Variants in ANKRD36C observed in about 807,000 individuals in gnomAD.
ANKRD36C encodes the protein ankyrin repeat domain-containing protein 36C.
In ANKRD36C, 61 loss-of-function variants were observed where a neutral mutation model predicts 276.4. The observed-to-expected ratio is 0.22, with a 90% CI of 0.18 to 0.27. ANKRD36C has a LOEUF of 0.27. Among genes scored for constraint, ANKRD36C ranks in the 10% least tolerant of loss-of-function variants. The probability of loss-of-function intolerance (pLI) is 1.00; values close to 1 mark genes in which losing one functional copy is unlikely to be tolerated. For missense variants in ANKRD36C, 1,447 were observed against 2,032.3 expected (o/e 0.71, Z 5.54); for synonymous variants, 483 against 680.1 (o/e 0.71, Z 4.51).
In ANKRD36C at chr2:95,855,332, C is replaced by G. The variant is rs751761050; in HGVS notation, c.4929G>C (p.Leu1643Phe). Residue 1643 changes from leucine (L) to phenylalanine (F), a missense_variant, in exon 63 of 67, where the codon TTG becomes TTC. Leu to Phe is a conservative substitution (Grantham distance 22). Around this residue, in one of 13 missense-constraint regions of ANKRD36C, gnomAD observed 437 missense variants for 641.0 expected, o/e 0.68. Coordinates refer to ENST00000456556, the Ensembl canonical transcript of ANKRD36C. Reference sequence around the variant, plus strand: ...CTTTCGAATGATTCAATTCATTCACCAACATTTTATTGTCTTCTTCTAGTA... The same window carrying G: ...CTTTCGAATGATTCAATTCATTCACGAACATTTTATTGTCTTCTTCTAGTA... The G allele has an allele frequency of 8.7e-6, 14 of 1,610,058 alleles. No homozygotes were observed. In the South Asian group the frequency reaches 1.6e-4, roughly 18 times the overall value.
At chr2:95,860,223 G>T (rs78345504) in intron 60 of ANKRD36C, 149 bp from the exon 81 acceptor site, 12 of 649,586 alleles carry the variant, frequency 1.8e-5, no homozygotes, top group Non-Finnish European at 2.9e-5. Flanking sequence ...TTATAGTAAG[G>T]TCTGCAGGTA....
At chr2:95,948,542 A>G (rs758198326) in exon 17 of ANKRD36C, 1 of 1,535,780 alleles carries the variant, frequency 6.5e-7, no homozygotes. Flanking sequence ...CAGATTCCAA[A>G]GCAAACTTAT....
chr2:95,874,274 A>T (rs1573731951), intron 59 of ANKRD36C, among the ~76,000 whole-genome samples: 1 of 152,192 alleles, frequency 6.6e-6, no homozygotes, highest in Non-Finnish European at 1.5e-5. Flanking sequence ...CCTGACTTCA[A>T]ACTATACTAC....
intron 6 of ANKRD36C, among the ~76,000 whole-genome samples, chr2:95,970,306 G>A (rs1485411082): frequency 6.6e-6 from 1 of 151,938 alleles, no homozygotes; most frequent in East Asian, 1.9e-4. Flanking sequence ...CCCTATGTAG[G>A]GCACAAACAA....
In ANKRD36C at chr2:95,918,058, G is replaced by C. The variant is rs191497643; in HGVS notation, c.2246-16C>G. 1.9e-6 allele frequency: 3 copies of C among 1,598,734 alleles called. No individual in the cohort carries two copies. The Admixed American group carries it at 5.2e-5, about 27-fold the overall frequency. Reference sequence around the variant, plus strand: ...TGAGAAGACACTGAAAAGCAAAAGGGATACATAATCACTCATGTGTAAATA... The same window carrying C: ...TGAGAAGACACTGAAAAGCAAAAGGCATACATAATCACTCATGTGTAAATA... On this transcript the variant is annotated splice_polypyrimidine_tract_variant and intron_variant, in intron 34 of 66. Coordinates refer to ENST00000456556, the Ensembl canonical transcript of ANKRD36C.
chr2:95,897,571 C>G, intron 44 of ANKRD36C, 106 bp from the exon 59 acceptor site: 2 of 1,429,416 alleles, frequency 1.4e-6, no homozygotes, highest in Non-Finnish European at 1.9e-6. Context: ...CCTGTATTAG[C>G]GTAGGCTTTG....
chr2:95,934,177 CT>C (rs1351047056), intron 24 of ANKRD36C, among the ~76,000 whole-genome samples: 3 of 152,280 alleles, frequency 2.0e-5, no homozygotes, highest in Non-Finnish European at 4.4e-5. Context: ...ATTTCAACCA[CT>C]GTGGAAGACA....
Position 95,922,307 on chromosome 2 carries a change from G to C in ANKRD36C, c.2144-497C>G, listed in dbSNP as rs1169534489. On this transcript the variant is annotated intron_variant, in intron 32 of 66. Coordinates refer to ENST00000456556, the Ensembl canonical transcript of ANKRD36C. ...AGTTGAATGTACACCTCATGTCTCT[G>C]TCTCTTCAGTGAAGTGTCCTAAATT... Among the ~76,000 whole-genome samples the C allele has an allele frequency of 2.0e-5, 3 of 151,550 alleles. No individual in the cohort carries two copies. The South Asian group carries it at 6.2e-4, about 31-fold the overall frequency.
chr2:95,911,864 G>A (rs557455436), intron 42 of ANKRD36C, among the ~76,000 whole-genome samples: 1 of 151,254 alleles, frequency 6.6e-6, no homozygotes, highest in East Asian at 2.0e-4. Flanking sequence ...GGGTTATTAT[G>A]AACAGCTTTC....
At chr2:95,951,168 G>A (rs935762166) in intron 15 of ANKRD36C, among the ~76,000 whole-genome samples, 180 bp downstream of exon 15, 1 of 152,310 alleles carries the variant, frequency 6.6e-6, no homozygotes. Flanking sequence ...AGCTACTCGG[G>A]AGGCTGAGGC....
chr2:95,863,735 C>T (rs527677214), intron 60 of ANKRD36C, among the ~76,000 whole-genome samples: 2 of 152,190 alleles, frequency 1.3e-5, no homozygotes, highest in East Asian at 1.9e-4. Flanking sequence ...ATAAGCTAAT[C>T]TGAAAAGGCT....
At chr2:95,958,550 T>C (rs1336661019) in intron 12 of ANKRD36C, 41 bp downstream of exon 12, 4 of 1,540,500 alleles carry the variant, frequency 2.6e-6, no homozygotes, top group Non-Finnish European at 3.5e-6. Flanking sequence ...TTCTCCTCTA[T>C]CTTCAGTGTA....
At chr2:95,947,679 A>T (rs1678088148) in intron 17 of ANKRD36C, among the ~76,000 whole-genome samples, 1 of 152,176 alleles carries the variant, frequency 6.6e-6, no homozygotes, top group African/African-American at 2.4e-5. Context: ...TGCTTATCAA[A>T]CAGGTTGTTA....
chr2:95,850,350 A>G (rs1675268092), downstream of ANKRD36C, among the ~76,000 whole-genome samples: 1 of 152,252 alleles, frequency 6.6e-6, no homozygotes, highest in Non-Finnish European at 1.5e-5. Context: ...AGTCATACAT[A>G]CAATGACAGG....
chr2:95,959,385 A>C (rs200495566), intron 10 of ANKRD36C, among the ~76,000 whole-genome samples: 1,905 of 107,800 alleles, frequency 0.018, no homozygotes, highest in South Asian at 0.058. Context: ...TGGAGTCATA[A>C]TGTGCCTACA....
In ANKRD36C at chr2:95,853,769, G is replaced by T. The variant is rs757072783; in HGVS notation, c.5088C>A (p.Cys1696Ter). Residue 1696 changes from cysteine (C) to a stop codon, truncating the protein, a stop_gained, in exon 64 of 67, where the codon TGC becomes TGA. Transcript: ENST00000456556. LOFTEE classifies it high-confidence loss of function. Reference sequence around the variant, plus strand: ...CCTGCATCCCATTTTCTAAATAGATGCAGTGACGCGATGAAGCATCCAGCA... The same window carrying T: ...CCTGCATCCCATTTTCTAAATAGATTCAGTGACGCGATGAAGCATCCAGCA... 6.2e-7 allele frequency: 1 copy of T among 1,602,780 alleles called. No individual in the cohort carries two copies. Among genetic ancestry groups the T allele is most frequent in the South Asian group, 1.1e-5 (1 of 89,524 alleles).
At chr2:95,983,584 C>CATTT (rs201816275) in intron 3 of ANKRD36C, among the ~76,000 whole-genome samples, 7,556 of 148,724 alleles carry the variant, frequency 0.051, 234 homozygotes, top group African/African-American at 0.063. Flanking sequence ...TTATTTGCAT[C>CATTT]ATTTATTTAT....
chr2:95,908,031 T>C (rs1183121978), intron 42 of ANKRD36C, among the ~76,000 whole-genome samples: 1 of 150,866 alleles, frequency 6.6e-6, no homozygotes, highest in African/African-American at 2.4e-5. Flanking sequence ...TTTCACACCT[T>C]CCTGCCTCAC....
exon 56 of ANKRD36C, chr2:95,882,320 C>T (rs11695514): frequency 0.31 from 479,762 of 1,544,326 alleles, 76,718 homozygotes; most frequent in East Asian, 0.45. Context: ...GATTTCCAAC[C>T]GCCCGTTATT....
Sources: allele counts gnomAD v4.1 joint callset (sites outside exome capture counted in the v4.1 genomes callset), GRCh38; gene constraint gnomAD v4.1.1; regional missense constraint gnomAD v4.1.1; transcripts MANE v1.5; gene names NCBI Gene and HGNC (gene_info 2026-07-23, HGNC 2026-07-21).